CD55: variants seen among roughly 807,000 people sequenced by gnomAD.
The protein encoded by CD55 is complement decay-accelerating factor.
Under a neutral mutation model 45.8 loss-of-function variants are expected in CD55, and 41 were observed. The observed-to-expected ratio is 0.90, with a 90% CI of 0.70 to 1.16. The LOEUF (loss-of-function observed/expected upper bound fraction) is 1.16, where lower values mean the gene tolerates loss of function less well. CD55 is among the 50% of genes most tolerant of loss of function. CD55 has a pLI of 0.00. For synonymous variants in CD55, 181 were observed against 181.1 expected, an observed-to-expected ratio of 1.00 and a Z score of 0.01; for missense variants, 416 against 469.8, an observed-to-expected ratio of 0.89 and a Z score of 1.06.
At chr1:207,332,738 C>CT (rs1278661166) in intron 6 of CD55, among the ~76,000 whole-genome samples, 1 of 152,094 alleles carries the variant, frequency 6.6e-6, no homozygotes, top group Non-Finnish European at 1.5e-5. Flanking sequence ...CAGGCTGATG[C>CT]TTCCATTAAA....
At chr1:207,348,199 TTC>T (rs1261522622) in intron 9 of CD55, among the ~76,000 whole-genome samples, 3 of 152,230 alleles carry the variant, frequency 2.0e-5, no homozygotes, top group Admixed American at 2.0e-4. Context: ...TGTATAAGTG[TTC>T]TCTGTTTTCC....
At chr1:207,323,050 A>G (rs1180611369) in intron 2 of CD55, among the ~76,000 whole-genome samples, 1 of 152,102 alleles carries the variant, frequency 6.6e-6, no homozygotes, top group Non-Finnish European at 1.5e-5. Flanking sequence ...ATGATCAATC[A>G]GGGTAATTGG....
intron 6 of CD55, among the ~76,000 whole-genome samples, chr1:207,332,488 C>T (rs1232048785): frequency 6.6e-6 from 1 of 152,154 alleles, no homozygotes; most frequent in Non-Finnish European, 1.5e-5. Context: ...AATTTAGTCT[C>T]CCACTGATAC....
At chr1:207,340,432 C>T (rs1403068349) in intron 9 of CD55, 3 of 622,980 alleles carry the variant, frequency 4.8e-6, no homozygotes, top group South Asian at 3.5e-5. Context: ...GTGGTGTGAT[C>T]GTAGCTCACT....
chr1:207,326,369 AAC>A (rs1351189364), intron 4 of CD55, among the ~76,000 whole-genome samples: 1 of 152,224 alleles, frequency 6.6e-6, no homozygotes, highest in Non-Finnish European at 1.5e-5. Context: ...TTAGGTCATG[AAC>A]ACAAAATCTG....
chr1:207,329,915 C>T (rs1199698206), intron 5 of CD55, among the ~76,000 whole-genome samples: 1 of 152,124 alleles, frequency 6.6e-6, no homozygotes, highest in Non-Finnish European at 1.5e-5. Context: ...CCCCGCTGCC[C>T]CTTCTTTACT....
intron 9 of CD55, among the ~76,000 whole-genome samples, chr1:207,358,917 A>G (rs1455777264): frequency 6.6e-6 from 1 of 152,202 alleles, no homozygotes; most frequent in Non-Finnish European, 1.5e-5. Flanking sequence ...AAGGGATGAT[A>G]CATTAGGACT....
chr1:207,352,646 G>A (rs28371634), intron 9 of CD55, among the ~76,000 whole-genome samples: 8 of 152,078 alleles, frequency 5.3e-5, no homozygotes, highest in Non-Finnish European at 8.8e-5. Context: ...TGATTCCTAT[G>A]TGAAGTATTT....
intron 9 of CD55, among the ~76,000 whole-genome samples, chr1:207,354,928 A>G (rs766956275): frequency 6.6e-6 from 1 of 152,156 alleles, no homozygotes; most frequent in Non-Finnish European, 1.5e-5. Flanking sequence ...GATCACTCTG[A>G]ATTTTCTGTC....
At chr1:207,341,954 C>T (rs1349730799) in intron 9 of CD55, among the ~76,000 whole-genome samples, 2 of 151,998 alleles carry the variant, frequency 1.3e-5, no homozygotes, top group East Asian at 1.9e-4. Context: ...AGGGGTCTTT[C>T]ACCTCCTTAG....
At position 207,321,792 on chromosome 1, in the gene CD55, C is replaced by A. The variant is rs1473032370; in HGVS notation, c.27C>A (p.Pro9=). 1.3e-6 allele frequency: 2 copies of A among 1,523,172 alleles called. No individual in the cohort carries two copies. Among genetic ancestry groups the A allele is most frequent in the African/African-American group, 1.4e-5 (1 of 71,420 alleles). 94.4% of individuals were successfully genotyped at this position (1,523,172 alleles called of 1,614,324 possible). Residue 9 remains proline, a synonymous_variant, in exon 1 of 10, where the codon CCC becomes CCA. Transcript: ENST00000367064. MTVARPSV[P]AALPLLGELP... is the part of the protein sequence containing the mutation. Reference sequence around the variant, plus strand: ...TGACCGTCGCGCGGCCGAGCGTGCCCGCGGCGCTGCCCCTCCTCGGGGAGC... The same window carrying A: ...TGACCGTCGCGCGGCCGAGCGTGCCAGCGGCGCTGCCCCTCCTCGGGGAGC...
intron 9 of CD55, among the ~76,000 whole-genome samples, chr1:207,347,782 T>C (rs1247088170): frequency 1.3e-5 from 2 of 152,218 alleles, no homozygotes; most frequent in African/African-American, 4.8e-5. Context: ...CTTCTTTGCA[T>C]CCATGTGTAC....
intron 9 of CD55, among the ~76,000 whole-genome samples, chr1:207,355,407 T>C (rs1260955341): frequency 6.6e-6 from 1 of 152,056 alleles, no homozygotes; most frequent in African/African-American, 2.4e-5. Flanking sequence ...ATGGGTGCAT[T>C]TGAGAAGAAA....
chr1:207,352,699 T>C (rs541632436), intron 9 of CD55, among the ~76,000 whole-genome samples: 1 of 152,264 alleles, frequency 6.6e-6, no homozygotes, highest in East Asian at 1.9e-4. Context: ...CCAAGCACAG[T>C]CCTAAAAGTT....
chr1:207,347,509 C>T (rs1235922202), intron 9 of CD55: 1 of 281,002 alleles, frequency 3.6e-6, no homozygotes, highest in Non-Finnish European at 7.2e-6. Context: ...ATCTGCCTGC[C>T]TCGGCCTCCC....
Position 207,337,409 on chromosome 1 carries a change from G to T in CD55, c.1060G>T (p.Gly354Cys). The change falls in exon 8 of 10, where the codon GGT (glycine) becomes TGT (cysteine). Residue 354 changes from glycine to cysteine, a missense_variant and splice_region_variant. Transcript: ENST00000367064. ...AAATAAAGGAAGTGGAACCACTTCA[G>T]GTCAGTTGACACTGTTCAGGTTTAC... The part of the protein sequence containing the change: ...TPNKGSGTTS[G>C]TTRLLSGHTC... 1 of 1,559,384 alleles carries T rather than the reference G, an allele frequency of 6.4e-7. No homozygotes were observed. Among genetic ancestry groups the T allele is most frequent in the Non-Finnish European group, 8.8e-7 (1 of 1,130,120 alleles).
At chr1:207,346,345 T>G (rs535466206) in intron 9 of CD55, among the ~76,000 whole-genome samples, 2 of 152,238 alleles carry the variant, frequency 1.3e-5, no homozygotes, top group South Asian at 4.2e-4. Context: ...GATGGCAGGC[T>G]TGTGTACTGA....
chr1:207,356,938 G>A (rs1246332627), intron 9 of CD55, among the ~76,000 whole-genome samples: 2 of 152,124 alleles, frequency 1.3e-5, no homozygotes, highest in African/African-American at 4.8e-5. Context: ...ACAAACTTGA[G>A]TTATTTCTAA....
chr1:207,347,081 G>A (rs1655669541), intron 9 of CD55: 1 of 455,954 alleles, frequency 2.2e-6, no homozygotes, highest in Non-Finnish European at 4.4e-6. Context: ...AAATTCTAGT[G>A]TTCTCTCTTT....
Sources: allele counts gnomAD v4.1 joint callset (sites outside exome capture counted in the v4.1 genomes callset), GRCh38; gene constraint gnomAD v4.1.1; transcripts MANE v1.5; gene names NCBI Gene and HGNC (gene_info 2026-07-23, HGNC 2026-07-21).